Variants in IQCM observed in about 807,000 individuals in gnomAD.
The protein encoded by IQCM is IQ motif containing M, also known as IQ domain-containing protein M.
IQCM carries 45 observed loss-of-function variants against 57.6 expected under a neutral mutation model. That is an observed-to-expected ratio of 0.78 (90% CI 0.62 to 1.00). IQCM has a LOEUF of 1.00. IQCM is among the 50% of genes least tolerant of loss of function. IQCM has a pLI of 0.00. For missense variants in IQCM, 468 were observed against 511.6 expected (o/e 0.91, Z 0.82); for synonymous variants, 148 against 158.9 (o/e 0.93, Z 0.51).
At chr4:149,366,565 C>T (rs950601717) in intron 13 of IQCM, among the ~76,000 whole-genome samples, 1 of 151,812 alleles carries the variant, frequency 6.6e-6, no homozygotes, top group African/African-American at 2.4e-5. Context: ...ATTCTATAAT[C>T]TTTTTACTCT....
At chr4:149,599,079 AGAAACT>A (rs1406797329) in intron 8 of IQCM, among the ~76,000 whole-genome samples, 3 of 152,174 alleles carry the variant, frequency 2.0e-5, no homozygotes, top group Admixed American at 2.0e-4. Flanking sequence ...CTTGCCCTAG[AGAAACT>A]GACACCTATG....
At chr4:149,586,057 T>A (rs1249413002) in intron 9 of IQCM, among the ~76,000 whole-genome samples, 2 of 151,662 alleles carry the variant, frequency 1.3e-5, no homozygotes, top group Non-Finnish European at 3.0e-5. Context: ...CAATTTTTTA[T>A]CATTGAAATG....
intron 12 of IQCM, among the ~76,000 whole-genome samples, chr4:149,483,356 T>G (rs1310602759): frequency 6.6e-6 from 1 of 151,826 alleles, no homozygotes; most frequent in Non-Finnish European, 1.5e-5. Context: ...TAAAGGTATA[T>G]TATTGGATAT....
At chr4:149,352,440 C>T (rs999859225) in intron 13 of IQCM, among the ~76,000 whole-genome samples, 27 of 152,174 alleles carry the variant, frequency 1.8e-4, no homozygotes, top group African/African-American at 6.3e-4. Flanking sequence ...GAATTTGCTA[C>T]ACAAGTACTA....
At chr4:149,523,730 T>G (rs534974647) in intron 12 of IQCM, among the ~76,000 whole-genome samples, 1 of 152,132 alleles carries the variant, frequency 6.6e-6, no homozygotes, top group Admixed American at 6.6e-5. Context: ...ACTGATAGAT[T>G]TATATCAAAA....
chr4:149,505,184 A>T (rs1743666476), intron 12 of IQCM, among the ~76,000 whole-genome samples: 1 of 152,120 alleles, frequency 6.6e-6, no homozygotes, highest in Admixed American at 6.5e-5. Context: ...AAAAAGGGGG[A>T]CAGCGGGCAT....
At chr4:149,766,329 TC>T (rs1770055718) in intron 2 of IQCM, among the ~76,000 whole-genome samples, 1 of 152,100 alleles carries the variant, frequency 6.6e-6, no homozygotes, top group African/African-American at 2.4e-5. Flanking sequence ...TATTATGACT[TC>T]CCTTTCTGCA....
intron 12 of IQCM, among the ~76,000 whole-genome samples, chr4:149,499,253 T>C (rs1228010175): frequency 1.3e-5 from 2 of 152,196 alleles, no homozygotes; most frequent in African/African-American, 4.8e-5. Flanking sequence ...CAATGCTTAT[T>C]TGAATATCAT....
At chr4:149,353,986 C>T (rs1295965219) in intron 13 of IQCM, among the ~76,000 whole-genome samples, 1 of 152,176 alleles carries the variant, frequency 6.6e-6, no homozygotes, top group Non-Finnish European at 1.5e-5. Flanking sequence ...TGTTGCTTCA[C>T]TATAGTAACT....
chr4:149,660,166 G>A (rs1467402920), intron 7 of IQCM, among the ~76,000 whole-genome samples: 1 of 151,414 alleles, frequency 6.6e-6, no homozygotes, highest in Non-Finnish European at 1.5e-5. Flanking sequence ...CAAAAAGTGG[G>A]TGAAGGATAT....
At chr4:149,647,008 T>G (rs1758699886) in intron 7 of IQCM, among the ~76,000 whole-genome samples, 1 of 152,166 alleles carries the variant, frequency 6.6e-6, no homozygotes, top group African/African-American at 2.4e-5. Flanking sequence ...AATAATTTTT[T>G]GTGTGTGTTC....
chr4:149,490,951 G>T (rs981700154), intron 12 of IQCM, among the ~76,000 whole-genome samples: 41 of 152,202 alleles, frequency 2.7e-4, no homozygotes, highest in African/African-American at 9.1e-4. Context: ...CTAAGAGGAA[G>T]ATTAGTTTGG....
At chr4:149,445,580 T>C (rs549957745) in intron 12 of IQCM, among the ~76,000 whole-genome samples, 3 of 151,746 alleles carry the variant, frequency 2.0e-5, no homozygotes, top group East Asian at 3.9e-4. Context: ...AGAGAAGCAA[T>C]TTAATCATTC....
chr4:149,547,793 G>T (rs1029849849), intron 12 of IQCM, among the ~76,000 whole-genome samples: 5 of 151,934 alleles, frequency 3.3e-5, no homozygotes, highest in Non-Finnish European at 7.4e-5. Flanking sequence ...ATTTTAATTT[G>T]TCAATTATAC....
intron 3 of IQCM, among the ~76,000 whole-genome samples, chr4:149,739,502 C>G (rs1231284529): frequency 2.7e-5 from 4 of 149,764 alleles, no homozygotes; most frequent in Admixed American, 1.3e-4. Context: ...CTCATTTCTT[C>G]AGAATCACAA....
intron 13 of IQCM, among the ~76,000 whole-genome samples, chr4:149,430,737 C>A (rs1402716289): frequency 6.6e-6 from 1 of 151,844 alleles, no homozygotes; most frequent in African/African-American, 2.4e-5. Context: ...ATATGTTTAC[C>A]TATTCATCTG....
chr4:149,552,359 T>A (rs1325676750), intron 11 of IQCM, among the ~76,000 whole-genome samples: 2 of 152,166 alleles, frequency 1.3e-5, no homozygotes, highest in Non-Finnish European at 2.9e-5. Context: ...TTTTTACCCA[T>A]AAAGCAGTAA....
intron 12 of IQCM, among the ~76,000 whole-genome samples, chr4:149,455,032 T>TA (rs1194033193): frequency 6.6e-6 from 1 of 152,066 alleles, no homozygotes; most frequent in Non-Finnish European, 1.5e-5. Context: ...AGATTCGACT[T>TA]ACAATTTTTC....
intron 2 of IQCM, among the ~76,000 whole-genome samples, chr4:149,758,792 C>T (rs1384343406): frequency 6.6e-6 from 1 of 152,132 alleles, no homozygotes; most frequent in Admixed American, 6.6e-5. Context: ...AAATCTAGAA[C>T]ACTGACCACA....
Sources: allele counts gnomAD v4.1 joint callset (sites outside exome capture counted in the v4.1 genomes callset), GRCh38; gene constraint gnomAD v4.1.1; transcripts MANE v1.5; gene names NCBI Gene and HGNC (gene_info 2026-07-23, HGNC 2026-07-21).